Variants in TSPAN11 observed in about 807,000 individuals in gnomAD.
TSPAN11 encodes tetraspanin 11.
A neutral mutation model predicts 32.9 loss-of-function variants in TSPAN11; 29 were observed. The ratio of observed to expected loss-of-function variants is 0.88; its 90% CI spans 0.66 to 1.20. TSPAN11 has a LOEUF of 1.20. TSPAN11 is among the 50% of genes most tolerant of loss of function. The pLI is 0.00. For synonymous variants in TSPAN11, 140 were observed against 141.3 expected, an observed-to-expected ratio of 0.99 and a Z score of 0.07; for missense variants, 283 against 329.1, an observed-to-expected ratio of 0.86 and a Z score of 1.08.
chr12:30,991,171 C>T (rs968307817), intron 7 of TSPAN11, among the ~76,000 whole-genome samples: 2 of 152,200 alleles, frequency 1.3e-5, no homozygotes, highest in Non-Finnish European at 2.9e-5. Context: ...GGCTGGCAGA[C>T]AGGACGCCTG....
chr12:30,996,503 A>C lies in TSPAN11; in HGVS notation c.*4588A>C, dbSNP rs548195078. The C allele has an allele frequency of 1.3e-5, 2 of 152,234 alleles. No individual in the cohort carries two copies. Among genetic ancestry groups the C allele is most frequent in the African/African-American group, 4.8e-5 (2 of 41,532 alleles). 9.4% of individuals were successfully genotyped at this position (152,234 alleles called of 1,614,324 possible). On this transcript the variant is annotated 3_prime_UTR_variant, in exon 8 of 8. Coordinates refer to ENST00000546076, the MANE Select transcript of TSPAN11 (RefSeq NM_001370302.1). ...TAATGCGCATAGAGAAATTGTTCTC[A>C]TTGTAAACATACCCCTGTCCTTAGC... is the stretch of plus-strand genomic sequence containing the variant.
intron 1 of TSPAN11, among the ~76,000 whole-genome samples, chr12:30,928,104 C>T (rs1217805720): frequency 1.3e-5 from 2 of 152,074 alleles, no homozygotes; most frequent in East Asian, 3.9e-4. Context: ...GAATTTTATA[C>T]CCACCTTTGG....
the TSPAN11 span, among the ~76,000 whole-genome samples, chr12:31,010,243 G>A: frequency 2.6e-5 from 4 of 152,172 alleles, no homozygotes; most frequent in East Asian, 1.9e-4. Flanking sequence ...CAGGGACCCC[G>A]GGGTCAAATT....
At chr12:31,002,760 AC>A in the TSPAN11 span, among the ~76,000 whole-genome samples, 1 of 152,044 alleles carries the variant, frequency 6.6e-6, no homozygotes, top group African/African-American at 2.4e-5. The surrounding 1 kb of genome is among the most constrained non-coding windows in gnomAD (Gnocchi z 4.8). Context: ...ACTTCCATCC[AC>A]CTGAACTGCT....
At chr12:30,981,112 C>T (rs1195537389) in intron 5 of TSPAN11, among the ~76,000 whole-genome samples, 1 of 152,178 alleles carries the variant, frequency 6.6e-6, no homozygotes, top group Non-Finnish European at 1.5e-5. Flanking sequence ...GCACAACTGA[C>T]AGCGAAGGCT....
At chr12:31,008,111 CTTTTTTTTTTTT>C in the TSPAN11 span, among the ~76,000 whole-genome samples, 44 of 145,490 alleles carry the variant, frequency 3.0e-4, no homozygotes, top group Admixed American at 2.1e-3. Flanking sequence ...TTTCTTTTTT[CTTTTTTTTTTTT>C]TTTTTGCATA....
At chr12:30,928,442 G>C (rs537805407) in intron 1 of TSPAN11, among the ~76,000 whole-genome samples, 1 of 152,298 alleles carries the variant, frequency 6.6e-6, no homozygotes, top group South Asian at 2.1e-4. Context: ...TTCAGACCCA[G>C]GGCCAACGCT....
At chr12:30,965,679 T>C (rs12297390) in intron 3 of TSPAN11, among the ~76,000 whole-genome samples, 21,286 of 152,218 alleles carry the variant, frequency 0.14, 1,739 homozygotes, top group East Asian at 0.4. Context: ...GCGCTGCACT[T>C]GACATTCATG....
At chr12:31,008,302 G>A in the TSPAN11 span, among the ~76,000 whole-genome samples, 1 of 152,188 alleles carries the variant, frequency 6.6e-6, no homozygotes, top group African/African-American at 2.4e-5. Flanking sequence ...AAAGCTTCCT[G>A]TCCACAGTTT....
chr12:30,973,245 A>G (rs1379104847), intron 3 of TSPAN11, among the ~76,000 whole-genome samples: 1 of 152,192 alleles, frequency 6.6e-6, no homozygotes, highest in Non-Finnish European at 1.5e-5. Context: ...CCTCATCTAT[A>G]AAGCGAGGCT....
chr12:30,968,406 G>A (rs998736972), intron 3 of TSPAN11, among the ~76,000 whole-genome samples: 4 of 152,352 alleles, frequency 2.6e-5, no homozygotes, highest in East Asian at 1.9e-4. Context: ...CAAGAAGGAC[G>A]TGGCCGTCGG....
chr12:30,979,924 C>A (rs538605119), intron 5 of TSPAN11, among the ~76,000 whole-genome samples: 8 of 152,356 alleles, frequency 5.3e-5, no homozygotes, highest in South Asian at 4.1e-4. Context: ...CCAGGCCCCA[C>A]CCCTGCTGCC....
At chr12:30,985,496 T>C (rs1013300836) in intron 7 of TSPAN11, among the ~76,000 whole-genome samples, 2 of 152,134 alleles carry the variant, frequency 1.3e-5, no homozygotes, top group African/African-American at 4.8e-5. Context: ...GCCCCTCTAT[T>C]GCACTTCCCC....
rs1256549677 is a variant in TSPAN11, at chr12:30,992,390, A to ATTTCCCCCAGAAGACCTTGCCC, written c.*479_*500dup. On this transcript the variant is annotated 3_prime_UTR_variant, in exon 8 of 8. Transcript: ENST00000546076. ...ATGGGGTGGGGCAGGGAGGGCTGGC[A>ATTTCCCCCAGAAGACCTTGCCC]TTTCCCCCAGAAGACCTTGCCCTTT... 7 of 198,488 alleles carry ATTTCCCCCAGAAGACCTTGCCC rather than the reference A, an allele frequency of 3.5e-5. No individual in the cohort carries two copies. The highest frequency in any genetic ancestry group is 1.4e-4 in the African/African-American group (6 of 44,022). 12.3% of individuals were successfully genotyped at this position (198,488 alleles called of 1,614,324 possible). A position where few individuals can be genotyped will look rare whatever the true frequency, so the allele number is the denominator to read the frequency against.
intron 1 of TSPAN11, among the ~76,000 whole-genome samples, chr12:30,936,277 C>CT (rs1367160611): frequency 2.0e-5 from 3 of 152,190 alleles, no homozygotes; most frequent in Non-Finnish European, 4.4e-5. Flanking sequence ...ATACGTTGTG[C>CT]TACAGTGATA....
At chr12:30,965,671 G>A (rs563875770) in intron 3 of TSPAN11, among the ~76,000 whole-genome samples, 5 of 152,262 alleles carry the variant, frequency 3.3e-5, no homozygotes, top group South Asian at 4.1e-4. Flanking sequence ...CCGAGCAAGC[G>A]CTGCACTTGA....
At chr12:31,002,621 G>A in the TSPAN11 span, among the ~76,000 whole-genome samples, 1 of 152,264 alleles carries the variant, frequency 6.6e-6, no homozygotes, top group South Asian at 2.1e-4. This position sits in a 1 kb window ranked among gnomAD's most constrained non-coding sequence, Gnocchi z 4.8. Flanking sequence ...CAGAGGGGCA[G>A]GCCAGACTCT....
intron 1 of TSPAN11, among the ~76,000 whole-genome samples, chr12:30,931,598 G>T (rs1937928570): frequency 6.6e-6 from 1 of 152,118 alleles, no homozygotes; most frequent in Non-Finnish European, 1.5e-5. Context: ...TAGAGTACCT[G>T]GCTGGGCGCG....
At chr12:30,944,859 G>A (rs1315923030) in intron 1 of TSPAN11, among the ~76,000 whole-genome samples, 2 of 152,238 alleles carry the variant, frequency 1.3e-5, no homozygotes, top group Admixed American at 6.5e-5. Context: ...TCCCCTCTTA[G>A]GGAATAGAGA....
Sources: gnomAD v4.1 joint callset for allele counts (sites outside exome capture counted in the v4.1 genomes callset) on GRCh38, gnomAD v4.1.1 for gene constraint, Gnocchi (gnomAD v3.1) non-coding constraint, MANE v1.5 for transcripts, NCBI Gene and HGNC (gene_info 2026-07-23, HGNC 2026-07-21) for gene names.